The following AUTS2 variants were observed in gnomAD, a reference collection of about 807,000 sequenced individuals.
AUTS2 encodes autism susceptibility gene 2 protein.
Under a neutral mutation model 112.4 loss-of-function variants are expected in AUTS2, and 17 were observed. That is an observed-to-expected ratio of 0.15 (90% CI 0.10 to 0.23). The LOEUF (loss-of-function observed/expected upper bound fraction) is 0.23. Ranked by LOEUF, AUTS2 falls within the 10% of genes least tolerant of loss-of-function variation. AUTS2 has a pLI of 1.00. For missense variants in AUTS2, 1,510 were observed against 1,701.6 expected (o/e 0.89, Z 1.98); for synonymous variants, 751 against 702.7 (o/e 1.07, Z -1.09).
intron 4 of AUTS2, among the ~76,000 whole-genome samples, chr7:70,310,204 A>G (rs1789674886): frequency 6.6e-6 from 1 of 151,916 alleles, no homozygotes; most frequent in Non-Finnish European, 1.5e-5. Context: ...GTCTAAAGAC[A>G]AACTGTGACA....
At chr7:70,352,400 C>G (rs1791809591) in intron 4 of AUTS2, among the ~76,000 whole-genome samples, 2 of 152,124 alleles carry the variant, frequency 1.3e-5, no homozygotes. Flanking sequence ...CCTTTTTTTC[C>G]TAGACTGTAA....
intron 1 of AUTS2, among the ~76,000 whole-genome samples, chr7:69,894,704 GT>G (rs1362628464): frequency 6.6e-6 from 1 of 151,998 alleles, no homozygotes; most frequent in Admixed American, 6.6e-5. Flanking sequence ...GGTGTTTCTG[GT>G]GATAATGTTT....
intron 4 of AUTS2, among the ~76,000 whole-genome samples, chr7:70,308,418 T>C (rs898036126): frequency 1.3e-5 from 2 of 152,206 alleles, no homozygotes; most frequent in African/African-American, 4.8e-5. Flanking sequence ...ATTGATTAGA[T>C]CACTTCTACT....
At chr7:70,170,541 TTTAGG>T (rs1179019755) in intron 4 of AUTS2, among the ~76,000 whole-genome samples, 1 of 151,874 alleles carries the variant, frequency 6.6e-6, no homozygotes, top group Non-Finnish European at 1.5e-5. Flanking sequence ...ATCACAGACA[TTTAGG>T]TTAAAAGGTC....
Position 70,365,054 on chromosome 7 carries a change from A to T in AUTS2, c.661-70698A>T, listed in dbSNP as rs539869654. On this transcript the variant is annotated intron_variant, in intron 4 of 18. Coordinates refer to ENST00000342771, the MANE Select transcript of AUTS2 (RefSeq NM_015570.4). Reference sequence around the variant, plus strand: ...AGAAAGGTACTGGGAAAGCCTATTAACAAAAAGGATTAGTAGGAATTTTAA... The same window carrying T: ...AGAAAGGTACTGGGAAAGCCTATTATCAAAAAGGATTAGTAGGAATTTTAA... Among the ~76,000 whole-genome samples the T allele has an allele frequency of 3.2e-4, 49 of 152,338 alleles. No individual in the cohort carries two copies. In the South Asian group the frequency reaches 9.9e-3, roughly 31 times the overall value.
chr7:70,616,246 A>C (rs1804359372), intron 5 of AUTS2, among the ~76,000 whole-genome samples: 1 of 152,216 alleles, frequency 6.6e-6, no homozygotes, highest in African/African-American at 2.4e-5. Context: ...ACTCTTACAC[A>C]GGGGTCTTAT....
At chr7:70,458,040 C>T (rs776149438) in intron 5 of AUTS2, among the ~76,000 whole-genome samples, 11 of 152,120 alleles carry the variant, frequency 7.2e-5, no homozygotes, top group African/African-American at 1.4e-4. Flanking sequence ...GCCCCACAAC[C>T]GCCAAATTCC....
chr7:69,795,090 A>G (rs1789781878), intron 1 of AUTS2, among the ~76,000 whole-genome samples: 1 of 152,174 alleles, frequency 6.6e-6, no homozygotes, highest in South Asian at 2.1e-4. Context: ...TGTGATAACT[A>G]AGGGGGTAAT....
chr7:69,717,116 ATTTGTTTTAAACG>A (rs1798654820), intron 1 of AUTS2, among the ~76,000 whole-genome samples: 1 of 152,016 alleles, frequency 6.6e-6, no homozygotes, highest in Admixed American at 6.5e-5. Context: ...CTCCTCTCTT[ATTTGTTTTAAACG>A]TTTGTTTCCA....
At chr7:70,408,077 A>G (rs1317700575) in intron 4 of AUTS2, among the ~76,000 whole-genome samples, 2 of 151,240 alleles carry the variant, frequency 1.3e-5, no homozygotes, top group Non-Finnish European at 3.0e-5. Flanking sequence ...AAAAAGTCAG[A>G]AAATGAGATG....
Position 70,628,529 on chromosome 7 carries a change from A to T in AUTS2, c.691-70040A>T, listed in dbSNP as rs146049970. 3.4e-3 allele frequency among the ~76,000 whole-genome samples: 507 copies of T among 149,078 alleles called. 10 individuals are homozygous for T. The East Asian group carries it at 0.052, about 15-fold the overall frequency. ...TATAATTTATCATTGAAACTGAGAT[A>T]CTTTGAGAGTAAAAGACCATGCTAT... On this transcript the variant is annotated intron_variant, in intron 5 of 18. Coordinates refer to ENST00000342771, the MANE Select transcript of AUTS2 (RefSeq NM_015570.4).
intron 4 of AUTS2, among the ~76,000 whole-genome samples, chr7:70,435,431 C>T (rs929819309): frequency 1.3e-5 from 2 of 152,204 alleles, no homozygotes; most frequent in Admixed American, 6.5e-5. Context: ...AGGGGCATCG[C>T]CTCTACCCTG....
intron 2 of AUTS2, among the ~76,000 whole-genome samples, chr7:69,994,414 A>G (rs1798860338): frequency 6.6e-6 from 1 of 152,180 alleles, no homozygotes; most frequent in Admixed American, 6.5e-5. Context: ...ATTTCTAACC[A>G]CTGTTGCATT....
At chr7:70,223,511 A>T (rs533921192) in intron 4 of AUTS2, among the ~76,000 whole-genome samples, 1 of 152,358 alleles carries the variant, frequency 6.6e-6, no homozygotes, top group East Asian at 1.9e-4. Context: ...CTGCGCTGCC[A>T]GTTGTATAAA....
At chr7:69,902,045 C>G (rs1794989838) in intron 2 of AUTS2, among the ~76,000 whole-genome samples, 1 of 152,012 alleles carries the variant, frequency 6.6e-6, no homozygotes, top group Non-Finnish European at 1.5e-5. Context: ...CTGATAGGCT[C>G]TGTGAAGACA....
chr7:69,764,398 T>G (rs543261266), intron 1 of AUTS2, among the ~76,000 whole-genome samples: 1 of 151,948 alleles, frequency 6.6e-6, no homozygotes, highest in South Asian at 2.1e-4. Flanking sequence ...TTCTTTTTCC[T>G]TTAAGTTAAA....
At chr7:69,730,243 A>G (rs1055466983) in intron 1 of AUTS2, among the ~76,000 whole-genome samples, 2 of 151,246 alleles carry the variant, frequency 1.3e-5, no homozygotes, top group Non-Finnish European at 2.9e-5. Flanking sequence ...CCTTTGTAAT[A>G]TTTGTCGTAC....
chr7:70,223,303 A>G (rs917904124), intron 4 of AUTS2, among the ~76,000 whole-genome samples: 1 of 152,240 alleles, frequency 6.6e-6, no homozygotes, highest in Non-Finnish European at 1.5e-5. Context: ...CAGTGCTTAT[A>G]GTAGTTCGGT....
intron 4 of AUTS2, among the ~76,000 whole-genome samples, chr7:70,231,619 A>G (rs989384567): frequency 6.6e-6 from 1 of 151,170 alleles, no homozygotes; most frequent in Non-Finnish European, 1.5e-5. Flanking sequence ...ATTTTTTTGT[A>G]TTTTTAGTAG....
Sources: allele counts gnomAD v4.1 joint callset (sites outside exome capture counted in the v4.1 genomes callset), GRCh38; gene constraint gnomAD v4.1.1; transcripts MANE v1.5; gene names NCBI Gene and HGNC (gene_info 2026-07-23, HGNC 2026-07-21).